The following IARS1 variants were observed in gnomAD, a reference collection of about 807,000 sequenced individuals.
The protein encoded by IARS1 is isoleucyl-tRNA synthetase 1.
A neutral mutation model predicts 168.2 loss-of-function variants in IARS1; 124 were observed. That is an observed-to-expected ratio of 0.74 (90% confidence interval 0.64 to 0.86). The LOEUF (loss-of-function observed/expected upper bound fraction) is 0.86, where lower values mean the gene tolerates loss of function less well. Among genes scored for constraint, IARS1 ranks in the 40% least tolerant of loss-of-function variants. The pLI, the probability that IARS1 is intolerant of heterozygous loss-of-function variation, is 0.00. For missense variants in IARS1, 1,452 were observed against 1,515.8 expected (o/e 0.96, Z 0.70); for synonymous variants, 532 against 529.4 (o/e 1.00, Z -0.07).
At position 92,247,526 on chromosome 9, in the gene IARS1, AGT is replaced by A; in HGVS notation, c.2640_2641del (p.Leu881ValfsTer4). ...GCCATACTTGTTTTTATCTGTAGAC[AGT>A]GTAACTTTTCGAACATTGAGTTCCT... On this transcript the variant is annotated frameshift_variant, in exon 26 of 34. Coordinates refer to ENST00000443024, the MANE Select transcript of IARS1 (RefSeq NM_002161.6). LOFTEE classifies it high-confidence loss of function. The A allele has an allele frequency of 6.2e-7, 1 of 1,613,732 alleles. No individual in the cohort carries two copies. Among genetic ancestry groups the A allele is most frequent in the Non-Finnish European group, 8.5e-7 (1 of 1,179,904 alleles).
intron 13 of IARS1, among the ~76,000 whole-genome samples, chr9:92,269,612 C>T (rs1832744370): frequency 6.6e-6 from 1 of 152,204 alleles, no homozygotes; most frequent in Non-Finnish European, 1.5e-5. Context: ...AAGGTCATTT[C>T]ATTCCCTAAA....
At chr9:92,213,863 G>A (rs2133314304) in intron 33 of IARS1, among the ~76,000 whole-genome samples, 1 of 152,196 alleles carries the variant, frequency 6.6e-6, no homozygotes, top group South Asian at 2.1e-4. Flanking sequence ...CCAGGCTGGA[G>A]TGCAGTGATG....
intron 28 of IARS1, chr9:92,242,975 G>A (rs545419435): frequency 4.7e-4 from 194 of 413,862 alleles, no homozygotes; most frequent in African/African-American, 3.6e-3. Context: ...GAAGCCCAAC[G>A]GAGCTAAAAA....
At chr9:92,225,532 G>T (rs1825537316) in intron 31 of IARS1, among the ~76,000 whole-genome samples, 1 of 150,914 alleles carries the variant, frequency 6.6e-6, no homozygotes. Context: ...GGGTAATGAA[G>T]TTAGCATCTT....
At position 92,268,323 on chromosome 9, in the gene IARS1, C is replaced by T. The variant is rs1832573441; in HGVS notation, c.1305-23G>A. On this transcript the variant is annotated intron_variant, in intron 13 of 33. Coordinates refer to ENST00000443024, the MANE Select transcript of IARS1 (RefSeq NM_002161.6). ...ACCCTGCAATAAACAGATCACATAA[C>T]CAATCACATAAAAATATGGAAAAAT... 1.9e-6 allele frequency: 3 copies of T among 1,600,844 alleles called. No individual in the cohort carries two copies. In the African/African-American group the frequency reaches 4.1e-5, roughly 22 times the overall value.
At chr9:92,274,027 T>G (rs72750456) in intron 10 of IARS1, among the ~76,000 whole-genome samples, 4,665 of 152,366 alleles carry the variant, frequency 0.031, 112 homozygotes, top group South Asian at 0.08. Context: ...AATGTGTTTT[T>G]AGAAAAATTA....
chr9:92,241,053 CAA>C, intron 29 of IARS1, 92 bp from the exon 30 acceptor site: 1 of 731,874 alleles, frequency 1.4e-6, no homozygotes, highest in South Asian at 1.5e-5. Flanking sequence ...TCAGTAACAA[CAA>C]GAGCTGTACA....
At position 92,227,445 on chromosome 9, in the gene IARS1, C is replaced by A. The variant is rs868291353; in HGVS notation, c.3409+1556G>T. Among the ~76,000 whole-genome samples the A allele has an allele frequency of 6.8e-3, 976 of 143,626 alleles. 14 individuals carry two copies. Among genetic ancestry groups the A allele is most frequent in the African/African-American group, 0.024 (920 of 37,916 alleles). 94.2% of individuals were successfully genotyped at this position (143,626 alleles called of 152,430 possible). On this transcript the variant is annotated intron_variant, in intron 31 of 33. Transcript: ENST00000443024. Reference sequence around the variant, plus strand: ...TGGCCGGGCGGGGGGCTGACCCCCCCACCTCCCTCCCGGACGGGGCGGCTG... The same window carrying A: ...TGGCCGGGCGGGGGGCTGACCCCCCAACCTCCCTCCCGGACGGGGCGGCTG...
At chr9:92,223,248 T>A in intron 32 of IARS1, 98 bp downstream of exon 32, 1 of 1,176,718 alleles carries the variant, frequency 8.5e-7, no homozygotes, top group East Asian at 2.4e-5. Flanking sequence ...TTTAAAGCAA[T>A]ACTTTGAAGC....
intron 19 of IARS1, among the ~76,000 whole-genome samples, chr9:92,257,006 G>A (rs1564174664): frequency 1.3e-5 from 2 of 152,314 alleles, no homozygotes; most frequent in East Asian, 3.9e-4. Context: ...ATGTTTTTGA[G>A]TAAACTGAAG....
In IARS1 at chr9:92,214,252, C is replaced by T. The variant is rs544694946; in HGVS notation, c.3707-3363G>A. ...CAGACGGGCAATGTAAACAGAAAGA[C>T]GGAAACTCAAAGAATAGAATGGTCT... On this transcript the variant is annotated intron_variant, in intron 33 of 33. Transcript: ENST00000443024. Among the ~76,000 whole-genome samples the T allele has an allele frequency of 5.3e-5, 8 of 151,862 alleles. No homozygotes were observed. In the East Asian group the frequency reaches 1.2e-3, roughly 23 times the overall value.
chr9:92,240,422 C>A (rs1311142352), intron 30 of IARS1: 1 of 457,218 alleles, frequency 2.2e-6, no homozygotes, highest in Non-Finnish European at 3.9e-6. Flanking sequence ...TGCCACCATG[C>A]CTGGCTAATT....
intron 11 of IARS1, 47 bp from the exon 12 acceptor site, chr9:92,271,123 T>C (rs1832967519): frequency 8.8e-7 from 1 of 1,132,960 alleles, no homozygotes; most frequent in Non-Finnish European, 1.3e-6. Flanking sequence ...ACTATAATAC[T>C]TAGGAACAAT....
chr9:92,273,720 C>G (rs1833411412), intron 10 of IARS1, among the ~76,000 whole-genome samples: 1 of 152,210 alleles, frequency 6.6e-6, no homozygotes, highest in Non-Finnish European at 1.5e-5. Flanking sequence ...AGAGATTAAG[C>G]ATGAAAGCAA....
rs759380559 is a variant in IARS1 at position 92,287,842 on chromosome 9, C to T, written c.345G>A (p.Glu115=). The T allele has an allele frequency of 2.3e-5, 37 of 1,613,768 alleles. No individual in the cohort carries two copies. Among genetic ancestry groups the T allele is most frequent in the Non-Finnish European group, 2.6e-5 (31 of 1,179,892 alleles). ...PEDVAKMGIT[E]YNNQCRAIVM... is the part of the protein sequence containing the mutation. ...CAATTGCTCGGCACTGATTGTTATACTCTGTAATCCCCATTTTGGCCACAT... is the reference window on the plus strand; with the variant it reads ...CAATTGCTCGGCACTGATTGTTATATTCTGTAATCCCCATTTTGGCCACAT... The change falls in exon 4 of 34, where the codon GAG becomes GAA. Residue 115 remains glutamate (E), a synonymous_variant. Transcript: ENST00000443024.
chr9:92,230,396 A>G (rs746316565), intron 30 of IARS1, among the ~76,000 whole-genome samples: 1 of 152,180 alleles, frequency 6.6e-6, no homozygotes, highest in Non-Finnish European at 1.5e-5. Context: ...TACAGGCATG[A>G]GCAACTGTGC....
At chr9:92,238,791 C>T (rs372629982) in intron 30 of IARS1, among the ~76,000 whole-genome samples, 21 of 152,238 alleles carry the variant, frequency 1.4e-4, no homozygotes, top group East Asian at 5.8e-4. Flanking sequence ...CCACTGGTGT[C>T]AATATTTTAC....
chr9:92,256,915 T>C (rs1830813446), intron 19 of IARS1, 115 bp from the exon 20 acceptor site: 1 of 931,462 alleles, frequency 1.1e-6, no homozygotes, highest in South Asian at 2.2e-5. Flanking sequence ...CAGACCCTAC[T>C]GGCAATGTGA....
intron 26 of IARS1, 144 bp downstream of exon 26, chr9:92,247,233 G>C (rs868182335): frequency 1.6e-6 from 1 of 609,894 alleles, no homozygotes; most frequent in Middle Eastern, 3.1e-4. Flanking sequence ...AAGAGAGTAA[G>C]GAAAGGAAAG....
Sources: gnomAD v4.1 joint callset for allele counts (sites outside exome capture counted in the v4.1 genomes callset) on GRCh38, gnomAD v4.1.1 for gene constraint, MANE v1.5 for transcripts, NCBI Gene and HGNC (gene_info 2026-07-23, HGNC 2026-07-21) for gene names.